Variants in SARNP observed in about 807,000 individuals in gnomAD.
The protein encoded by SARNP is SAP domain containing ribonucleoprotein.
Under a neutral mutation model 38.1 loss-of-function variants are expected in SARNP, and 5 were observed. The ratio of observed to expected loss-of-function variants is 0.13; its 90% CI spans 0.07 to 0.28. SARNP has a LOEUF of 0.28. Ranked by LOEUF, SARNP falls within the 10% of genes least tolerant of loss-of-function variation. The pLI, the probability that SARNP is intolerant of heterozygous loss-of-function variation, is 1.00. For synonymous variants in SARNP, 84 were observed against 80.6 expected, an observed-to-expected ratio of 1.04 and a Z score of -0.23; for missense variants, 180 against 243.9, an observed-to-expected ratio of 0.74 and a Z score of 1.75.
intron 4 of SARNP, among the ~76,000 whole-genome samples, chr12:55,797,466 C>T (rs1879853747): frequency 1.3e-5 from 2 of 152,292 alleles, no homozygotes; most frequent in South Asian, 4.1e-4. Flanking sequence ...TTTCTAAACG[C>T]TTCCCATTTC....
Position 55,803,705 on chromosome 12 carries a change from A to G in SARNP, c.60T>C (p.Cys20=), listed in dbSNP as rs375526737. 1.4e-4 allele frequency: 230 copies of G among 1,613,336 alleles called. No homozygotes were observed. The highest frequency in any genetic ancestry group is 1.9e-4 in the Non-Finnish European group (221 of 1,179,574). ...CCTTGGTCTCCAAACCACGAGCAAG[A>G]CATTCTTGCTTTAGTTCGGCAAGCT... ...KLKLAELKQE[C]LARGLETKGI... is the part of the protein sequence containing the mutation. Residue 20 remains cysteine (C), a synonymous_variant, in exon 2 of 11, where the codon TGT becomes TGC. Transcript: ENST00000336133.
chr12:55,806,632 C>T (rs1294620885), intron 1 of SARNP, among the ~76,000 whole-genome samples: 1 of 152,188 alleles, frequency 6.6e-6, no homozygotes, highest in African/African-American at 2.4e-5. Context: ...AGTGCAATGG[C>T]ACGACCTCAG....
At chr12:55,773,272 C>T (rs1461142130) in intron 9 of SARNP, among the ~76,000 whole-genome samples, 1 of 152,074 alleles carries the variant, frequency 6.6e-6, no homozygotes, top group African/African-American at 2.4e-5. Context: ...TATTTGGGGC[C>T]AATTTCAAGT....
At chr12:55,798,021 G>A (rs1219686668) in intron 4 of SARNP, among the ~76,000 whole-genome samples, 1 of 152,110 alleles carries the variant, frequency 6.6e-6, no homozygotes, top group African/African-American at 2.4e-5. Context: ...TTAACCCACA[G>A]AAGCCAATTA....
chr12:55,807,525 G>A lies in SARNP; in HGVS notation c.37-3797C>T, dbSNP rs1386113152. Among the ~76,000 whole-genome samples the A allele has an allele frequency of 2.6e-5, 4 of 151,674 alleles. No individual in the cohort carries two copies. In the South Asian group the frequency reaches 6.3e-4, roughly 24 times the overall value. On this transcript the variant is annotated intron_variant, in intron 1 of 10. Transcript: ENST00000336133. The stretch of plus-strand genomic sequence containing the variant: ...TCTCTATTAAAAAAAATTTTTGGTC[G>A]GGCGTGGTGGCTCACTCCTGTAATC...
downstream of SARNP, chr12:55,753,795 A>C (rs1026356297): frequency 5.4e-5 from 8 of 149,370 alleles, no homozygotes; most frequent in African/African-American, 2.0e-4. Flanking sequence ...AAAAAAAAAA[A>C]GGAAAGCAGG....
At chr12:55,798,954 T>A (rs1879898160) in intron 4 of SARNP, among the ~76,000 whole-genome samples, 1 of 152,170 alleles carries the variant, frequency 6.6e-6, no homozygotes, top group Admixed American at 6.6e-5. Flanking sequence ...GCCTAGCATA[T>A]AACTCTTAAG....
At chr12:55,772,485 T>C (rs1450830916) in intron 9 of SARNP, among the ~76,000 whole-genome samples, 1 of 151,922 alleles carries the variant, frequency 6.6e-6, no homozygotes. Flanking sequence ...CAACCCCCAC[T>C]CCTCTTCAAC....
chr12:55,798,277 G>A (rs1217159653), intron 4 of SARNP, among the ~76,000 whole-genome samples: 4 of 152,072 alleles, frequency 2.6e-5, no homozygotes, highest in Non-Finnish European at 5.9e-5. Flanking sequence ...CAGGTGGATC[G>A]CTTTGAGCTC....
chr12:55,781,008 C>A (rs532921073), intron 9 of SARNP, among the ~76,000 whole-genome samples: 4 of 152,322 alleles, frequency 2.6e-5, no homozygotes, highest in African/African-American at 7.2e-5. Flanking sequence ...CATCTTTCCA[C>A]ATCCCAATGG....
intron 9 of SARNP, among the ~76,000 whole-genome samples, chr12:55,763,702 C>T (rs1294256638): frequency 6.6e-6 from 1 of 152,158 alleles, no homozygotes; most frequent in Non-Finnish European, 1.5e-5. Flanking sequence ...ATCCTCTTGC[C>T]TCAGCCTCCC....
intron 1 of SARNP, 76 bp downstream of exon 1, chr12:55,817,590 A>G: frequency 7.1e-7 from 1 of 1,398,724 alleles, no homozygotes; most frequent in South Asian, 1.2e-5. Context: ...GAGAAGACGT[A>G]GGAGAAGGCG....
At chr12:55,782,637 T>C (rs560568881) in intron 9 of SARNP, among the ~76,000 whole-genome samples, 72 of 152,128 alleles carry the variant, frequency 4.7e-4, no homozygotes, top group Non-Finnish European at 7.9e-4. Flanking sequence ...CTCAGGCTGG[T>C]GTGCAGTGGT....
chr12:55,768,987 G>A (rs1878928674), intron 9 of SARNP, among the ~76,000 whole-genome samples: 1 of 152,196 alleles, frequency 6.6e-6, no homozygotes, highest in African/African-American at 2.4e-5. Context: ...AAAGTGCTGG[G>A]ATTACAGGTG....
chr12:55,793,139 G>T (rs1056393490), intron 7 of SARNP: 29 of 152,110 alleles, frequency 1.9e-4, no homozygotes, highest in African/African-American at 7.0e-4. Flanking sequence ...AAAATTAGCT[G>T]GGTATGGTGT....
chr12:55,803,633 T>C lies in SARNP; in HGVS notation c.132A>G (p.Glu44=), dbSNP rs747295600. 5 of 1,604,354 alleles carry C rather than the reference T, an allele frequency of 3.1e-6. No homozygotes were observed. Among genetic ancestry groups the C allele is most frequent in the Non-Finnish European group, 3.4e-6 (4 of 1,172,294 alleles). ...CCGCCTCCACAAAGTACTCACCATG[T>C]TCTTCAAGATATGCCTGGAGTCTGT... The part of the protein sequence containing the change: ...LIHRLQAYLE[E]HAEEEANEED... Residue 44 remains glutamate, a synonymous_variant, in exon 2 of 11, where the codon GAA becomes GAG. Coordinates refer to ENST00000336133, the MANE Select transcript of SARNP (RefSeq NM_033082.4).
chr12:55,768,106 TC>T (rs1257831640), intron 9 of SARNP, among the ~76,000 whole-genome samples: 1 of 151,720 alleles, frequency 6.6e-6, no homozygotes, highest in Non-Finnish European at 1.5e-5. Flanking sequence ...TCTCCCTCCT[TC>T]CCTCCCTCTC....
chr12:55,794,457 A>C, intron 6 of SARNP, 70 bp from the exon 7 acceptor site: 6 of 1,316,438 alleles, frequency 4.6e-6, no homozygotes, highest in Non-Finnish European at 6.5e-6. Flanking sequence ...CTCCGTGTCA[A>C]GTATACATAT....
chr12:55,753,585 C>G (rs770259301), downstream of SARNP: 1 of 152,000 alleles, frequency 6.6e-6, no homozygotes, highest in Non-Finnish European at 1.5e-5. Context: ...TGCTGGCCAA[C>G]ATTGTGAAAC....
Sources: allele counts gnomAD v4.1 joint callset (sites outside exome capture counted in the v4.1 genomes callset), GRCh38; gene constraint gnomAD v4.1.1; transcripts MANE v1.5; gene names NCBI Gene and HGNC (gene_info 2026-07-23, HGNC 2026-07-21).